Variants in GRIN2A observed in about 807,000 individuals in gnomAD.
GRIN2A encodes the protein glutamate receptor ionotropic, NMDA 2A.
Under a neutral mutation model 113.4 loss-of-function variants are expected in GRIN2A, and 22 were observed. The ratio of observed to expected loss-of-function variants is 0.19; its 90% CI spans 0.14 to 0.28. The LOEUF is 0.28. GRIN2A is among the 10% of genes least tolerant of loss of function. The probability of loss-of-function intolerance (pLI) is 1.00; values close to 1 mark genes in which losing one functional copy is unlikely to be tolerated. For synonymous variants in GRIN2A, 827 were observed against 738.4 expected (o/e 1.12, Z -1.94); for missense variants, 1,502 against 1,887.0 (o/e 0.80, Z 3.78).
chr16:9,770,385 T>G (rs1043374671), intron 11 of GRIN2A, among the ~76,000 whole-genome samples: 1 of 152,246 alleles, frequency 6.6e-6, no homozygotes, highest in Non-Finnish European at 1.5e-5. Flanking sequence ...TATTGGTCTT[T>G]TTTTAAGTTA....
At chr16:10,030,487 G>A (rs901595574) in intron 2 of GRIN2A, among the ~76,000 whole-genome samples, 2 of 152,122 alleles carry the variant, frequency 1.3e-5, no homozygotes, top group Non-Finnish European at 2.9e-5. Flanking sequence ...TTGGTCTCCT[G>A]CCTGCACTTA....
At chr16:9,920,047 T>G (rs949273149) in intron 3 of GRIN2A, among the ~76,000 whole-genome samples, 8 of 152,200 alleles carry the variant, frequency 5.3e-5, no homozygotes, top group Admixed American at 3.3e-4. Context: ...AATAGCAAAT[T>G]GACATTGCCT....
chr16:9,797,069 T>G (rs1210550560), intron 11 of GRIN2A, among the ~76,000 whole-genome samples: 2 of 152,252 alleles, frequency 1.3e-5, no homozygotes, highest in Admixed American at 6.5e-5. Context: ...CAAGTAATTG[T>G]GCACTTCATT....
chr16:10,029,788 G>A (rs1238836773), intron 2 of GRIN2A, among the ~76,000 whole-genome samples: 1 of 140,048 alleles, frequency 7.1e-6, no homozygotes. Flanking sequence ...CCTGAGGTCT[G>A]GAGTTCGAGA....
chr16:9,789,999 G>A (rs145862940), intron 11 of GRIN2A, among the ~76,000 whole-genome samples: 4 of 152,304 alleles, frequency 2.6e-5, no homozygotes, highest in African/African-American at 9.6e-5. Context: ...CTTGTCTACT[G>A]TTCTCCCATT....
chr16:9,845,396 C>A lies in GRIN2A; in HGVS notation c.1329-4292G>T, dbSNP rs149789752. Among the ~76,000 whole-genome samples, 195 of 152,232 alleles carry A rather than the reference C, an allele frequency of 1.3e-3. 1 individual carries two copies. The highest frequency in any genetic ancestry group is 4.6e-3 in the African/African-American group (189 of 41,538). On this transcript the variant is annotated intron_variant, in intron 5 of 12. Coordinates refer to ENST00000330684, the MANE Select transcript of GRIN2A (RefSeq NM_001134407.3). ...CTCCTATTATTGATTCTGGAGCACACGGGGCCTCAGTTGATTGCCCTATTG... is the reference window on the plus strand; with the variant it reads ...CTCCTATTATTGATTCTGGAGCACAAGGGGCCTCAGTTGATTGCCCTATTG...
chr16:9,896,312 G>C (rs1211732911), intron 3 of GRIN2A, among the ~76,000 whole-genome samples: 1 of 152,176 alleles, frequency 6.6e-6, no homozygotes, highest in Non-Finnish European at 1.5e-5. Flanking sequence ...GCCTCCCAAA[G>C]TGCTGGGATT....
At chr16:9,966,938 T>A (rs7190175) in intron 2 of GRIN2A, among the ~76,000 whole-genome samples, 48,039 of 152,096 alleles carry the variant, frequency 0.32, 8,075 homozygotes, top group African/African-American at 0.37. Flanking sequence ...CCCAGTGCCC[T>A]TCCTTGTTTA....
At chr16:9,995,094 G>T (rs1227603025) in intron 2 of GRIN2A, among the ~76,000 whole-genome samples, 1 of 152,160 alleles carries the variant, frequency 6.6e-6, no homozygotes, top group Non-Finnish European at 1.5e-5. Flanking sequence ...ATTCTTCAAT[G>T]TATTTCCTCC....
chr16:9,905,779 G>T (rs2044016165), intron 3 of GRIN2A, among the ~76,000 whole-genome samples: 3 of 152,108 alleles, frequency 2.0e-5, no homozygotes, highest in Admixed American at 2.0e-4. Context: ...CTGTCCCATG[G>T]CGGATCAATT....
intron 2 of GRIN2A, among the ~76,000 whole-genome samples, chr16:9,941,099 G>T (rs1228011820): frequency 2.6e-5 from 4 of 152,174 alleles, no homozygotes; most frequent in Non-Finnish European, 5.9e-5. Flanking sequence ...TCAGCATCTT[G>T]CACTAAGTAC....
At chr16:9,865,329 C>T (rs1184635109) in intron 4 of GRIN2A, among the ~76,000 whole-genome samples, 1 of 152,102 alleles carries the variant, frequency 6.6e-6, no homozygotes, top group Non-Finnish European at 1.5e-5. Context: ...CCAATTATCC[C>T]CATCTCAGAC....
intron 4 of GRIN2A, among the ~76,000 whole-genome samples, chr16:9,876,519 A>T (rs1208975545): frequency 6.6e-6 from 1 of 152,118 alleles, no homozygotes; most frequent in Non-Finnish European, 1.5e-5. Context: ...CCCACCTTAT[A>T]TACTCTTAAC....
chr16:9,901,997 C>G (rs1021165457), intron 3 of GRIN2A, among the ~76,000 whole-genome samples: 1 of 152,042 alleles, frequency 6.6e-6, no homozygotes, highest in Admixed American at 6.5e-5. Flanking sequence ...TACCTGAATT[C>G]TCACCCAAAG....
chr16:9,902,390 G>T (rs1416949388), intron 3 of GRIN2A, among the ~76,000 whole-genome samples: 1 of 152,204 alleles, frequency 6.6e-6, no homozygotes, highest in East Asian at 1.9e-4. Context: ...TGATGTGGAA[G>T]CCACTGGCTG....
chr16:9,959,227 G>A (rs1207649140), intron 2 of GRIN2A, among the ~76,000 whole-genome samples: 1 of 152,146 alleles, frequency 6.6e-6, no homozygotes, highest in African/African-American at 2.4e-5. Flanking sequence ...AGCCTCAAAT[G>A]ATTCACAGCC....
At chr16:9,939,945 T>C (rs1451421281) in intron 2 of GRIN2A, among the ~76,000 whole-genome samples, 1 of 152,050 alleles carries the variant, frequency 6.6e-6, no homozygotes, top group East Asian at 1.9e-4. Context: ...ACAGCCATGT[T>C]TTTATTTTGC....
chr16:9,765,186 C>T (rs561890658), intron 12 of GRIN2A, among the ~76,000 whole-genome samples: 1 of 152,324 alleles, frequency 6.6e-6, no homozygotes, highest in South Asian at 2.1e-4. Flanking sequence ...CAAAGAGTCA[C>T]ACATGGAGTT....
chr16:9,768,607 C>T (rs1223775768), intron 12 of GRIN2A, among the ~76,000 whole-genome samples: 1 of 152,128 alleles, frequency 6.6e-6, no homozygotes, highest in Non-Finnish European at 1.5e-5. Context: ...TGCCGTTTCA[C>T]GTCATCTGTG....
Sources: allele counts gnomAD v4.1 joint callset (sites outside exome capture counted in the v4.1 genomes callset), GRCh38; gene constraint gnomAD v4.1.1; transcripts MANE v1.5; gene names NCBI Gene and HGNC (gene_info 2026-07-23, HGNC 2026-07-21).